The following CHSY3 variants were observed in gnomAD, a reference collection of about 807,000 sequenced individuals.
CHSY3 encodes the protein chondroitin sulfate synthase 3, also known as N-acetylgalactosaminyl-proteoglycan 3-beta-glucuronosyltransferase 3.
In CHSY3, 35 loss-of-function variants were observed where a neutral mutation model predicts 67.2. The observed-to-expected ratio is 0.52, with a 90% confidence interval of 0.40 to 0.69. The LOEUF (loss-of-function observed/expected upper bound fraction) is 0.69. Among genes scored for constraint, CHSY3 ranks in the 30% least tolerant of loss-of-function variants. The pLI, the probability that CHSY3 is intolerant of heterozygous loss-of-function variation, is 0.00. For missense variants in CHSY3, 1,069 were observed against 1,138.5 expected, an observed-to-expected ratio of 0.94 and a Z score of 0.88; for synonymous variants, 474 against 434.7, an observed-to-expected ratio of 1.09 and a Z score of -1.12.
chr5:130,073,684 C>T (rs1394916481), intron 2 of CHSY3, among the ~76,000 whole-genome samples: 1 of 151,928 alleles, frequency 6.6e-6, no homozygotes, highest in East Asian at 1.9e-4. Flanking sequence ...CTGCACCTAG[C>T]CAAAAATAAA....
At chr5:130,126,119 G>A (rs1038696487) in intron 2 of CHSY3, among the ~76,000 whole-genome samples, 1 of 152,096 alleles carries the variant, frequency 6.6e-6, no homozygotes, top group Non-Finnish European at 1.5e-5. Context: ...GGTTGCATGA[G>A]TACCTATTTC....
intron 2 of CHSY3, among the ~76,000 whole-genome samples, chr5:130,095,027 T>A (rs1393588960): frequency 6.6e-6 from 1 of 152,034 alleles, no homozygotes; most frequent in East Asian, 1.9e-4. Flanking sequence ...TGGTCCTGAA[T>A]GAGAGGTGGA....
chr5:130,003,189 C>T (rs1261997922), intron 2 of CHSY3, among the ~76,000 whole-genome samples: 1 of 152,046 alleles, frequency 6.6e-6, no homozygotes, highest in Non-Finnish European at 1.5e-5. Context: ...AGCCGAGTAT[C>T]CATGATACCA....
At chr5:129,950,142 T>C (rs1033949541) in intron 2 of CHSY3, among the ~76,000 whole-genome samples, 3 of 141,694 alleles carry the variant, frequency 2.1e-5, no homozygotes, top group Non-Finnish European at 3.0e-5. Context: ...CACTCCAGCC[T>C]GGTGACAGAA....
At chr5:129,910,775 A>G (rs1419667938) in intron 2 of CHSY3, among the ~76,000 whole-genome samples, 2 of 151,994 alleles carry the variant, frequency 1.3e-5, no homozygotes, top group African/African-American at 2.4e-5. Flanking sequence ...CATATATGAT[A>G]CTGTTCATAT....
intron 2 of CHSY3, among the ~76,000 whole-genome samples, chr5:130,075,521 T>C (rs1766220931): frequency 6.6e-6 from 1 of 152,186 alleles, no homozygotes; most frequent in African/African-American, 2.4e-5. Flanking sequence ...TTCAAACTCT[T>C]ATTTTTCAAG....
At chr5:129,974,019 T>C (rs531493009) in intron 2 of CHSY3, among the ~76,000 whole-genome samples, 7 of 152,246 alleles carry the variant, frequency 4.6e-5, no homozygotes, top group African/African-American at 1.4e-4. Context: ...TCCCCTGCAT[T>C]CTTAATAGAT....
At position 130,173,643 on chromosome 5, in the gene CHSY3, A is replaced by G. The variant is rs147022111; in HGVS notation, c.1087-10586A>G. ...TAGTAGCAAAATGTTCTTATTTTAT[A>G]TGAAAAATATGCATACAGGATATGA... On this transcript the variant is annotated intron_variant, in intron 2 of 2. Transcript: ENST00000305031. 2.0e-3 allele frequency among the ~76,000 whole-genome samples: 297 copies of G among 152,274 alleles called. 2 individuals carry two copies. The highest frequency in any genetic ancestry group is 6.8e-3 in the Middle Eastern group (2 of 294).
rs551875021 is a variant in CHSY3 at position 130,011,287 on chromosome 5, G to C, written c.1086+102927G>C. 1.8e-4 allele frequency among the ~76,000 whole-genome samples: 27 copies of C among 152,018 alleles called. No homozygotes were observed. The East Asian group carries it at 4.5e-3, about 25-fold the overall frequency. The stretch of plus-strand genomic sequence containing the variant: ...AAGCTAATCTACCATGATCAGGTAG[G>C]TTTTATTTGTGAGATGCATGGTTAG... On this transcript the variant is annotated intron_variant, in intron 2 of 2. Coordinates refer to ENST00000305031, the MANE Select transcript of CHSY3 (RefSeq NM_175856.5).
At chr5:130,034,279 T>C (rs967427248) in intron 2 of CHSY3, among the ~76,000 whole-genome samples, 2 of 152,154 alleles carry the variant, frequency 1.3e-5, no homozygotes, top group African/African-American at 4.8e-5. Context: ...AATAGGCTTT[T>C]AGCTATTAAT....
chr5:129,963,073 C>A (rs77908770), intron 2 of CHSY3, among the ~76,000 whole-genome samples: 109 of 151,830 alleles, frequency 7.2e-4, no homozygotes, highest in Non-Finnish European at 1.4e-3. Flanking sequence ...TGAGAATTGA[C>A]TATAACTTGT....
intron 2 of CHSY3, among the ~76,000 whole-genome samples, chr5:129,928,280 G>T (rs1761183459): frequency 6.9e-6 from 1 of 145,796 alleles, no homozygotes; most frequent in Non-Finnish European, 1.5e-5. Context: ...GTTCATATTT[G>T]TCATTTTTTC....
chr5:129,979,057 G>A (rs1407620079), intron 2 of CHSY3, among the ~76,000 whole-genome samples: 3 of 151,566 alleles, frequency 2.0e-5, no homozygotes, highest in Non-Finnish European at 2.9e-5. Flanking sequence ...AAAATTAGCC[G>A]GGTGTGGTGG....
At position 130,079,982 on chromosome 5, in the gene CHSY3, A is replaced by G. The variant is rs138483294; in HGVS notation, c.1087-104247A>G. ...TGTTTGTTTGTTTTCTGCAAAGCTC[A>G]TAGCTATCCTTGCTTAGGAAAATGT... On this transcript the variant is annotated intron_variant, in intron 2 of 2. Transcript: ENST00000305031. Among the ~76,000 whole-genome samples the G allele has an allele frequency of 1.5e-3, 230 of 151,710 alleles. 2 individuals are homozygous for G. Among genetic ancestry groups the G allele is most frequent in the African/African-American group, 5.4e-3 (222 of 41,396 alleles).
intron 2 of CHSY3, among the ~76,000 whole-genome samples, chr5:130,091,717 T>C (rs910645684): frequency 1.3e-5 from 2 of 152,214 alleles, no homozygotes; most frequent in Non-Finnish European, 2.9e-5. Flanking sequence ...CTGTTCACTC[T>C]AGCAATGCGT....
At chr5:130,141,052 T>C in intron 2 of CHSY3, 1 of 294,766 alleles carries the variant, frequency 3.4e-6, no homozygotes, top group South Asian at 5.7e-5. Context: ...CTATTTGTAT[T>C]TCCAAGATTT....
At chr5:130,066,030 A>C (rs2149679207) in intron 2 of CHSY3, among the ~76,000 whole-genome samples, 1 of 152,184 alleles carries the variant, frequency 6.6e-6, no homozygotes, top group Non-Finnish European at 1.5e-5. Context: ...AAAACTTGGA[A>C]CACACCTTCT....
At chr5:129,976,085 T>C (rs1762799741) in intron 2 of CHSY3, among the ~76,000 whole-genome samples, 1 of 152,076 alleles carries the variant, frequency 6.6e-6, no homozygotes, top group South Asian at 2.1e-4. Flanking sequence ...TTCAAGAAGA[T>C]CAGCTGTTTT....
chr5:130,107,220 A>G (rs916135759), intron 2 of CHSY3, among the ~76,000 whole-genome samples: 3 of 151,348 alleles, frequency 2.0e-5, no homozygotes, highest in African/African-American at 4.8e-5. Flanking sequence ...CTCTTCACCT[A>G]TAAAAACAGA....
Sources: gnomAD v4.1 joint callset for allele counts (sites outside exome capture counted in the v4.1 genomes callset) on GRCh38, gnomAD v4.1.1 for gene constraint, MANE v1.5 for transcripts, NCBI Gene and HGNC (gene_info 2026-07-23, HGNC 2026-07-21) for gene names.